Variants in HDAC5 observed in about 807,000 individuals in gnomAD.
The protein encoded by HDAC5 is antigen NY-CO-9.
Under a neutral mutation model 133.3 loss-of-function variants are expected in HDAC5, and 25 were observed. That is an observed-to-expected ratio of 0.19 (90% CI 0.14 to 0.26). The LOEUF is 0.26. Among genes scored for constraint, HDAC5 ranks in the 10% least tolerant of loss-of-function variants. The pLI is 1.00. For missense variants in HDAC5, 1,041 were observed against 1,460.5 expected (o/e 0.71, Z 4.68); for synonymous variants, 589 against 610.8 (o/e 0.96, Z 0.53).
At chr17:44,103,492 C>A (rs1036071786) in intron 3 of HDAC5, among the ~76,000 whole-genome samples, 2 of 152,174 alleles carry the variant, frequency 1.3e-5, no homozygotes, top group African/African-American at 4.8e-5. Context: ...CACCACCCTG[C>A]GCTCCATGCA....
intron 2 of HDAC5, among the ~76,000 whole-genome samples, chr17:44,116,803 C>A (rs1049686896): frequency 1.4e-4 from 21 of 152,080 alleles, no homozygotes; most frequent in African/African-American, 5.1e-4. Context: ...GCCTAGAGTC[C>A]CCCAAATAGA....
Position 44,117,541 on chromosome 17 carries a change from G to A in HDAC5, c.-26C>T, listed in dbSNP as rs2052723677. Reference sequence around the variant, plus strand: ...GCCGGCTCTGGGCCTGCAGGAAGCTGGCGTTGGGGGCTGGGACGGGAGGGG... The same window carrying A: ...GCCGGCTCTGGGCCTGCAGGAAGCTAGCGTTGGGGGCTGGGACGGGAGGGG... On this transcript the variant is annotated 5_prime_UTR_variant, in exon 2 of 27. Coordinates refer to ENST00000682912, the MANE Select transcript of HDAC5 (RefSeq NM_005474.5). The surrounding 1 kb of genome is among the most constrained non-coding windows in gnomAD (Gnocchi z 4.2). The A allele has an allele frequency of 6.2e-7, 1 of 1,613,402 alleles. No homozygotes were observed. The highest frequency in any genetic ancestry group is 8.5e-7 in the Non-Finnish European group (1 of 1,179,958).
chr17:44,105,366 G>A (rs1159783032), intron 3 of HDAC5, among the ~76,000 whole-genome samples: 1 of 152,222 alleles, frequency 6.6e-6, no homozygotes, highest in Non-Finnish European at 1.5e-5. Flanking sequence ...GGTGCAAATA[G>A]AGTTAGTAGT....
chr17:44,092,130 C>T lies in HDAC5; in HGVS notation c.1032+42G>A, dbSNP rs763443797. 5.2e-6 allele frequency: 8 copies of T among 1,546,540 alleles called. No individual in the cohort carries two copies. The African/African-American group carries it at 8.2e-5, about 16-fold the overall frequency. ...GCACTCTTTCTTCCATGGGAAGGAG[C>T]AACTCTGTCCCCGCCCCACCAGCCC... On this transcript the variant is annotated intron_variant, in intron 9 of 26. Coordinates refer to ENST00000682912, the MANE Select transcript of HDAC5 (RefSeq NM_005474.5).
chr17:44,082,597 G>C lies in HDAC5; in HGVS notation c.2595C>G (p.Leu865=), dbSNP rs748150021. ...GCTCACTGCCTACCCAGTCCACGAT[G>C]AGGACCTTGCCCACGTTCAACTTCT... ...LQQKLNVGKV[L]IVDWDIHHGN... The change falls in exon 20 of 27, where the codon CTC becomes CTG. Residue 865 remains leucine (L), a synonymous_variant. Transcript: ENST00000682912. 3.1e-6 allele frequency: 5 copies of C among 1,613,432 alleles called. No homozygotes were observed. The highest frequency in any genetic ancestry group is 3.4e-6 in the Non-Finnish European group (4 of 1,179,464).
chr17:44,092,334 C>T (rs1417558444), intron 8 of HDAC5, 47 bp downstream of exon 8: 1 of 1,611,958 alleles, frequency 6.2e-7, no homozygotes, highest in Non-Finnish European at 8.5e-7. Flanking sequence ...TACCCCCGAC[C>T]CCTGATTCCC....
At chr17:44,113,097 G>C (rs937784638) in intron 2 of HDAC5, among the ~76,000 whole-genome samples, 1 of 152,136 alleles carries the variant, frequency 6.6e-6, no homozygotes, top group Non-Finnish European at 1.5e-5. Context: ...TCCCACCCAC[G>C]CTAGGAGTAA....
At chr17:44,107,607 C>A (rs369480467) in intron 3 of HDAC5, among the ~76,000 whole-genome samples, 601 of 88,348 alleles carry the variant, frequency 6.8e-3, no homozygotes, top group East Asian at 0.027. Flanking sequence ...GACTCCGTAT[C>A]AAAAAAAAAA....
Position 44,092,281 on chromosome 17 carries a change from G to T in HDAC5, c.923C>A (p.Ser308Ter). 1 of 1,614,008 alleles carries T rather than the reference G, an allele frequency of 6.2e-7. No homozygotes were observed. The highest frequency in any genetic ancestry group is 1.1e-5 in the South Asian group (1 of 91,070). Reference protein sequence around the residue: ...VEITGAGPGASSVCNSAPGSG... With the variant: ...VEITGAGPGA ...GCCGGGTGCGCTGTTACACACGGAC[G>T]ACGCTATAGGAGAAGTGGCTGTCAC... is the stretch of plus-strand genomic sequence containing the variant. Residue 308 changes from serine (S) to a stop codon, truncating the protein, a stop_gained, in exon 9 of 27, where the codon TCG becomes TAG. Transcript: ENST00000682912. LOFTEE classifies it high-confidence loss of function.
At chr17:44,091,149 G>T in intron 11 of HDAC5, 121 bp downstream of exon 11, 1 of 797,454 alleles carries the variant, frequency 1.3e-6, no homozygotes, top group Non-Finnish European at 2.1e-6. Context: ...TTTCCAGAAT[G>T]TGGAAGAAAT....
intron 16 of HDAC5, 72 bp downstream of exon 16, chr17:44,084,483 C>T (rs2050552896): frequency 6.3e-7 from 1 of 1,580,684 alleles, no homozygotes; most frequent in African/African-American, 1.3e-5. Context: ...CCTGGTCAGG[C>T]AGTCTTCCTG....
chr17:44,087,725 CT>C, intron 12 of HDAC5, 29 bp from the exon 13 acceptor site: 1 of 1,538,952 alleles, frequency 6.5e-7, no homozygotes, highest in Non-Finnish European at 8.8e-7. Flanking sequence ...GGCACATCAG[CT>C]GGGAGTTGGG....
intron 24 of HDAC5, 104 bp downstream of exon 24, chr17:44,079,040 A>C (rs2050253869): frequency 6.6e-7 from 1 of 1,518,380 alleles, no homozygotes; most frequent in African/African-American, 1.4e-5. Flanking sequence ...GCTGTTCCTT[A>C]GGACCAAGGA....
rs773588979 is a variant in HDAC5, at chr17:44,092,820, G to A, written c.642-14C>T. 2.3e-6 allele frequency: 2 copies of A among 855,450 alleles called. No homozygotes were observed. The highest frequency in any genetic ancestry group is 3.6e-6 in the Non-Finnish European group (2 of 559,570). The allele number at this position is 855,450 out of a possible 1,614,324, so 53.0% of individuals were successfully genotyped here. A position where few individuals can be genotyped will look rare whatever the true frequency, so the allele number is the denominator to read the frequency against. ...TGGTGGGCTCCCCTGGGGTGGGGGG[G>A]GGGTGGGGATGGAAGCAGATCTAGG... On this transcript the variant is annotated splice_polypyrimidine_tract_variant and intron_variant, in intron 6 of 26. Coordinates refer to ENST00000682912, the MANE Select transcript of HDAC5 (RefSeq NM_005474.5).
rs546578565 is a variant in HDAC5 at position 44,083,793 on chromosome 17, C to T, written c.2355+12G>A. 3.8e-5 allele frequency: 33 copies of T among 870,010 alleles called. No individual in the cohort carries two copies. The highest frequency in any genetic ancestry group is 2.6e-4 in the East Asian group (8 of 30,226). 53.9% of individuals were successfully genotyped at this position (870,010 alleles called of 1,614,324 possible). ...CCGCCCGCCCACCCCCACTGCTGTA[C>T]GCCCTACTCACCCCGATGCCCCCAC... On this transcript the variant is annotated intron_variant, in intron 17 of 26. Coordinates refer to ENST00000682912, the MANE Select transcript of HDAC5 (RefSeq NM_005474.5).
rs527834120 is a variant in HDAC5 at position 44,085,590 on chromosome 17, C to G, written c.2051-435G>C. On this transcript the variant is annotated intron_variant, in intron 14 of 26. Coordinates refer to ENST00000682912, the MANE Select transcript of HDAC5 (RefSeq NM_005474.5). ...GATCTCGGCTCACTGCAACCTCTGCCTCCTGGGCTCAAGCAATTCTCCTGC... is the reference window on the plus strand; with the variant it reads ...GATCTCGGCTCACTGCAACCTCTGCGTCCTGGGCTCAAGCAATTCTCCTGC... Among the ~76,000 whole-genome samples, 80 of 152,304 alleles carry G rather than the reference C, an allele frequency of 5.3e-4. 1 individual carries two copies. Among genetic ancestry groups the G allele is most frequent in the African/African-American group, 1.8e-3 (74 of 41,558 alleles).
chr17:44,096,414 C>A (rs228747), intron 3 of HDAC5, among the ~76,000 whole-genome samples: 1 of 151,144 alleles, frequency 6.6e-6, no homozygotes. Flanking sequence ...CAGACCACCC[C>A]CCAGCATTAA....
chr17:44,098,307 G>A (rs1274717166), intron 3 of HDAC5, among the ~76,000 whole-genome samples: 1 of 152,242 alleles, frequency 6.6e-6, no homozygotes, highest in Non-Finnish European at 1.5e-5. Context: ...CCTGGAAGGG[G>A]AAGTGGTTGT....
intron 3 of HDAC5, among the ~76,000 whole-genome samples, chr17:44,099,709 C>T (rs183017989): frequency 1.2e-4 from 19 of 152,090 alleles, no homozygotes; most frequent in African/African-American, 4.3e-4. Flanking sequence ...CTCCTGACCT[C>T]GTGATCTGCC....
Sources: gnomAD v4.1 joint callset for allele counts (sites outside exome capture counted in the v4.1 genomes callset) on GRCh38, gnomAD v4.1.1 for gene constraint, Gnocchi (gnomAD v3.1) non-coding constraint, MANE v1.5 for transcripts, NCBI Gene and HGNC (gene_info 2026-07-23, HGNC 2026-07-21) for gene names.